The following CFAP92 variants were observed in gnomAD, a reference collection of about 807,000 sequenced individuals.
CFAP92 encodes uncharacterized protein CFAP92.
Under a neutral mutation model 106.3 loss-of-function variants are expected in CFAP92, and 86 were observed. That is an observed-to-expected ratio of 0.81 (90% CI 0.68 to 0.97). The LOEUF (loss-of-function observed/expected upper bound fraction) is 0.97. Ranked by LOEUF, CFAP92 falls within the 50% of genes least tolerant of loss-of-function variation. The pLI is 0.00. For synonymous variants in CFAP92, 477 were observed against 506.4 expected (o/e 0.94, Z 0.78); for missense variants, 1,204 against 1,283.8 (o/e 0.94, Z 0.95).
chr3:128,957,883 A>T (rs1286080423), intron 9 of CFAP92, among the ~76,000 whole-genome samples: 6 of 152,294 alleles, frequency 3.9e-5, no homozygotes, highest in Non-Finnish European at 5.9e-5. Context: ...TTCTGAGGCT[A>T]GAAGTCAGAA....
chr3:128,933,290 C>T (rs1007836154), intron 11 of CFAP92, among the ~76,000 whole-genome samples: 3 of 152,208 alleles, frequency 2.0e-5, no homozygotes, highest in Non-Finnish European at 2.9e-5. Flanking sequence ...CATACCCCAT[C>T]GGGACACAGC....
At chr3:128,970,947 A>C in intron 8 of CFAP92, 1 of 344,846 alleles carries the variant, frequency 2.9e-6, no homozygotes. Context: ...TTTTGTAAAA[A>C]TCTGTAGGAA....
At chr3:128,967,851 G>C (rs930452964) in intron 8 of CFAP92, 21 of 152,264 alleles carry the variant, frequency 1.4e-4, no homozygotes, top group African/African-American at 4.6e-4. Context: ...ACTGCTGACA[G>C]TTGGGGCAGA....
chr3:128,937,050 T>G (rs971429362), intron 10 of CFAP92, among the ~76,000 whole-genome samples: 3 of 152,098 alleles, frequency 2.0e-5, no homozygotes, highest in Non-Finnish European at 4.4e-5. Context: ...AAAACAGATT[T>G]TTCACTTTGG....
chr3:128,969,475 A>G (rs2630263), intron 8 of CFAP92: 102,823 of 151,954 alleles, frequency 0.68, 36,451 homozygotes, highest in African/African-American at 0.91. Context: ...TAGAGGTTGA[A>G]GCAGGAGAAT....
In CFAP92 at chr3:128,935,133, A is replaced by G; in HGVS notation, c.2445T>C (p.Ala815=). Reference sequence around the variant, plus strand: ...GAGCTGCCACTGCCCACCTGGCTAGAGCCTGGAAGACCCGCCTCCGCTCAG... The same window carrying G: ...GAGCTGCCACTGCCCACCTGGCTAGGGCCTGGAAGACCCGCCTCCGCTCAG... ...RDTERRRVFQ[A]LARIHDICYN... is the part of the protein sequence containing the mutation. Residue 815 remains alanine, a synonymous_variant, in exon 11 of 16, where the codon GCT becomes GCC. Transcript: ENST00000645291. 6.6e-7 allele frequency: 1 copy of G among 1,525,474 alleles called. No individual in the cohort carries two copies. The highest frequency in any genetic ancestry group is 2.0e-5 in the Admixed American group (1 of 50,306). The allele number at this position is 1,525,474 out of a possible 1,614,324, so 94.5% of individuals were successfully genotyped here.
At chr3:128,976,476 C>T (rs995593864) in intron 6 of CFAP92, among the ~76,000 whole-genome samples, 6 of 152,172 alleles carry the variant, frequency 3.9e-5, no homozygotes, top group African/African-American at 9.7e-5. Context: ...CATGTTCTCT[C>T]GGTTCTTCTC....
the CFAP92 span, among the ~76,000 whole-genome samples, chr3:129,017,535 T>C: frequency 6.6e-6 from 1 of 152,214 alleles, no homozygotes; most frequent in East Asian, 1.9e-4. Context: ...CAGCTCCTTT[T>C]GGCCGTGGGA....
intron 9 of CFAP92, among the ~76,000 whole-genome samples, chr3:128,946,430 T>G (rs1031294366): frequency 1.3e-5 from 2 of 152,054 alleles, no homozygotes; most frequent in Admixed American, 1.3e-4. Flanking sequence ...AAACTGACAC[T>G]CTGGGCAGGA....
At chr3:129,001,678 G>A in intron 1 of CFAP92, 4 of 1,465,246 alleles carry the variant, frequency 2.7e-6, no homozygotes, top group Non-Finnish European at 3.6e-6. Context: ...GGCGCGGGAG[G>A]TGACCCGTAC....
rs1295021621 is a variant in CFAP92, at chr3:128,993,198, T to C, written c.107A>G (p.His36Arg). 6.2e-7 allele frequency: 1 copy of C among 1,613,868 alleles called. No individual in the cohort carries two copies. Among genetic ancestry groups the C allele is most frequent in the Admixed American group, 1.7e-5 (1 of 60,010 alleles). ...CTGGGCCCTGGCCTTGGCCTTCAGG[T>C]GTTCCTCCACGTCACACTCGCTCGT... is the stretch of plus-strand genomic sequence containing the variant. ...QSTSECDVEEHLKAKARAQES... is the reference protein window; with the variant it reads ...QSTSECDVEERLKAKARAQES... Residue 36 changes from histidine to arginine, a missense_variant, in exon 2 of 16, where the codon CAC becomes CGC. Coordinates refer to ENST00000645291, the MANE Select transcript of CFAP92 (RefSeq NM_001394090.1).
intron 4 of CFAP92, among the ~76,000 whole-genome samples, chr3:128,986,066 G>A (rs1044744906): frequency 6.6e-6 from 1 of 152,116 alleles, no homozygotes; most frequent in Non-Finnish European, 1.5e-5. Flanking sequence ...ACTGAAAGTG[G>A]GAAGTTCCAA....
rs992434971 is a variant in CFAP92 at position 128,945,771 on chromosome 3, C to T, written c.1558G>A (p.Glu520Lys). The T allele has an allele frequency of 2.6e-6, 4 of 1,533,456 alleles. No individual in the cohort carries two copies. Among genetic ancestry groups the T allele is most frequent in the Non-Finnish European group, 2.6e-6 (3 of 1,145,680 alleles). The allele number at this position is 1,533,456 out of a possible 1,614,324, so 95.0% of individuals were successfully genotyped here. A position where few individuals can be genotyped will look rare whatever the true frequency, so the allele number is the denominator to read the frequency against. ...AACAGCACGGGCTTCTGAGAACACT[C>T]CTCTGACTTGCGGTCCCGGTCGTGA... ...EVHDRDRKSE[E>K]CSQKPVLFGE... The change falls in exon 10 of 16, where the codon GAG (glutamate) becomes AAG (lysine). Residue 520 changes from glutamate to lysine, a missense_variant. Physicochemically the swap from Glu to Lys is moderately conservative, Grantham distance 56 (BLOSUM62 1). Coordinates refer to ENST00000645291, the MANE Select transcript of CFAP92 (RefSeq NM_001394090.1).
In CFAP92 at chr3:128,955,969, G is replaced by C. The variant is rs1409250197; in HGVS notation, c.1353+9542C>G. Among the ~76,000 whole-genome samples, 12 of 63,372 alleles carry C rather than the reference G, an allele frequency of 1.9e-4. No homozygotes were observed. In the South Asian group the frequency reaches 6.2e-3, roughly 33 times the overall value. The allele number at this position is 63,372 out of a possible 152,430, so 41.6% of individuals were successfully genotyped here. On this transcript the variant is annotated intron_variant, in intron 9 of 15. Coordinates refer to ENST00000645291, the MANE Select transcript of CFAP92 (RefSeq NM_001394090.1). Reference sequence around the variant, plus strand: ...GATGTGCTTTGTTAAACAGATGCTTGAAGGCAGCATGCTCGTTAAGAGTCA... The same window carrying C: ...GATGTGCTTTGTTAAACAGATGCTTCAAGGCAGCATGCTCGTTAAGAGTCA...
chr3:129,021,489 G>A, the CFAP92 span, among the ~76,000 whole-genome samples: 2 of 152,132 alleles, frequency 1.3e-5, no homozygotes, highest in African/African-American at 2.4e-5. Context: ...CAGGAGAATC[G>A]CTTGAACCCG....
intron 10 of CFAP92, among the ~76,000 whole-genome samples, chr3:128,940,265 G>A (rs1939493212): frequency 6.6e-6 from 1 of 152,152 alleles, no homozygotes; most frequent in African/African-American, 2.4e-5. Context: ...ATAAACATGA[G>A]TGTACAAAGT....
upstream of CFAP92, chr3:128,994,085 C>G: frequency 3.0e-6 from 3 of 985,760 alleles, no homozygotes; most frequent in Non-Finnish European, 3.6e-6. Flanking sequence ...CTGAGAGGAG[C>G]GTCCGCCGGT....
In CFAP92 at chr3:128,910,146, C is replaced by T. The variant is rs756613423; in HGVS notation, c.*153G>A. Reference sequence around the variant, plus strand: ...GCATTGGGCTCCGCAACCACGACCACGAGGTGAGCCCAGCCCAGCCTCACA... The same window carrying T: ...GCATTGGGCTCCGCAACCACGACCATGAGGTGAGCCCAGCCCAGCCTCACA... On this transcript the variant is annotated 3_prime_UTR_variant, in exon 16 of 16. Transcript: ENST00000645291. 33 of 1,613,938 alleles carry T rather than the reference C, an allele frequency of 2.0e-5. No homozygotes were observed. The highest frequency in any genetic ancestry group is 1.2e-4 in the African/African-American group (9 of 74,938).
At chr3:128,975,547 T>C (rs374684514) in intron 7 of CFAP92, among the ~76,000 whole-genome samples, 18 of 151,452 alleles carry the variant, frequency 1.2e-4, no homozygotes, top group African/African-American at 3.9e-4. Flanking sequence ...TAGAGATGGA[T>C]GGATAGATGG....
Sources: gnomAD v4.1 joint callset for allele counts (sites outside exome capture counted in the v4.1 genomes callset) on GRCh38, gnomAD v4.1.1 for gene constraint, MANE v1.5 for transcripts, NCBI Gene and HGNC (gene_info 2026-07-23, HGNC 2026-07-21) for gene names.